ALPK2: variants seen among roughly 807,000 people sequenced by gnomAD.
ALPK2 encodes the protein alpha kinase 2, also known as alpha-protein kinase 2.
A neutral mutation model predicts 163.1 loss-of-function variants in ALPK2; 127 were observed. That is an observed-to-expected ratio of 0.78 (90% CI 0.67 to 0.90). ALPK2 has a LOEUF of 0.90. Among genes scored for constraint, ALPK2 ranks in the 40% least tolerant of loss-of-function variants. The pLI is 0.00. For synonymous variants in ALPK2, 953 were observed against 959.1 expected, an observed-to-expected ratio of 0.99 and a Z score of 0.12; for missense variants, 2,360 against 2,589.6, an observed-to-expected ratio of 0.91 and a Z score of 1.92.
chr18:58,501,162 A>G (rs1022422558), intron 11 of ALPK2, among the ~76,000 whole-genome samples: 6 of 152,220 alleles, frequency 3.9e-5, no homozygotes, highest in African/African-American at 1.2e-4. Flanking sequence ...ATGCCACACC[A>G]CCACGTTAAA....
chr18:58,536,781 C>G lies in ALPK2; in HGVS notation c.3406G>C (p.Gly1136Arg), dbSNP rs150392603. 6.2e-7 allele frequency: 1 copy of G among 1,614,204 alleles called. No individual in the cohort carries two copies. Among genetic ancestry groups the G allele is most frequent in the Non-Finnish European group, 8.5e-7 (1 of 1,180,034 alleles). ...FQERGSETKQ[G>R]VQQQSLSQQG... ...TGGGACAGGCTCTGCTGCTGGACCCCCTGCTTTGTTTCACTTCCTCTTTCT... is the reference window on the plus strand; with the variant it reads ...TGGGACAGGCTCTGCTGCTGGACCCGCTGCTTTGTTTCACTTCCTCTTTCT... The change falls in exon 5 of 13, where the codon GGG (glycine) becomes CGG (arginine). Residue 1136 changes from glycine to arginine, a missense_variant. By Grantham distance (125) the Gly-to-Arg change is moderately radical (BLOSUM62 -2). Coordinates refer to ENST00000361673, the MANE Select transcript of ALPK2 (RefSeq NM_052947.4).
chr18:58,615,842 G>A (rs2052164442), intron 1 of ALPK2, among the ~76,000 whole-genome samples: 1 of 152,202 alleles, frequency 6.6e-6, no homozygotes. Flanking sequence ...TCCTCCCCAG[G>A]TGATGACTTC....
chr18:58,552,972 G>A (rs553396878), intron 4 of ALPK2, among the ~76,000 whole-genome samples: 21 of 152,286 alleles, frequency 1.4e-4, no homozygotes, highest in African/African-American at 4.8e-4. Context: ...CCCGAATCCA[G>A]TGACTGTTGT....
rs200949092 is a variant in ALPK2 at position 58,579,128 on chromosome 18, T to C, written c.1648A>G (p.Asn550Asp). ...GTTGTACTTTCTCTCAGGTTGGCAT[T>C]CGGCTTCTTGGGATTTCCCTTCATT... ...PGMKGNPKKP[N>D]ANLRESTTEG... The change falls in exon 4 of 13, where the codon AAT (asparagine) becomes GAT (aspartate). Residue 550 changes from asparagine to aspartate, a missense_variant. Physicochemically the swap from Asn to Asp is conservative, Grantham distance 23 (BLOSUM62 1). Coordinates refer to ENST00000361673, the MANE Select transcript of ALPK2 (RefSeq NM_052947.4). 5.6e-6 allele frequency: 9 copies of C among 1,614,078 alleles called. No individual in the cohort carries two copies. The highest frequency in any genetic ancestry group is 3.3e-4 in the Middle Eastern group (2 of 6,084).
chr18:58,487,592 A>T (rs115003583), intron 12 of ALPK2, among the ~76,000 whole-genome samples: 3 of 152,272 alleles, frequency 2.0e-5, no homozygotes, highest in African/African-American at 7.2e-5. Flanking sequence ...AAAAATCTTA[A>T]CTCTATAGAA....
chr18:58,578,873 T>C lies in ALPK2; in HGVS notation c.1903A>G (p.Met635Val), dbSNP rs2051938024. ...EGNTNCKGEG[M>V]QVNTLFETSQ... The stretch of plus-strand genomic sequence containing the variant: ...GTTTCAAATAGAGTATTAACTTGCA[T>C]GCCTTCTCCCTTGCAATTTGTGTTG... The change falls in exon 4 of 13, where the codon ATG (methionine) becomes GTG (valine). Residue 635 changes from methionine to valine, a missense_variant. By Grantham distance (21) the Met-to-Val change is conservative (BLOSUM62 1). Coordinates refer to ENST00000361673, the MANE Select transcript of ALPK2 (RefSeq NM_052947.4). The C allele has an allele frequency of 6.2e-7, 1 of 1,614,070 alleles. No homozygotes were observed. Among genetic ancestry groups the C allele is most frequent in the Non-Finnish European group, 8.5e-7 (1 of 1,180,044 alleles).
At chr18:58,625,740 G>A (rs1316930785) in intron 1 of ALPK2, among the ~76,000 whole-genome samples, 1 of 152,246 alleles carries the variant, frequency 6.6e-6, no homozygotes, top group East Asian at 1.9e-4. Context: ...GTGCAGCCAG[G>A]ACATGAGGAT....
chr18:58,521,629 T>C (rs112624391), intron 8 of ALPK2, among the ~76,000 whole-genome samples: 10 of 46,270 alleles, frequency 2.2e-4, no homozygotes, highest in East Asian at 6.8e-3. Context: ...CTCTCTCTCT[T>C]TTTTTTTTTT....
chr18:58,605,244 A>AT (rs778942655), intron 3 of ALPK2, among the ~76,000 whole-genome samples: 20 of 152,098 alleles, frequency 1.3e-4, no homozygotes, highest in African/African-American at 4.3e-4. Context: ...CAACTATGCT[A>AT]TTTTTTTTAA....
intron 4 of ALPK2, among the ~76,000 whole-genome samples, chr18:58,547,485 G>A (rs1343302718): frequency 1.3e-5 from 2 of 152,170 alleles, no homozygotes; most frequent in Non-Finnish European, 2.9e-5. Flanking sequence ...AGTGCCTTGT[G>A]TCTTTGGTAG....
chr18:58,611,752 A>T lies in ALPK2; in HGVS notation c.46T>A (p.Ser16Thr), dbSNP rs2052132785. ...GGAACCTTCTGGGAAAGCAATGTAG[A>T]TAAAAAACACAGCGGGGGCCTCTGG... is the stretch of plus-strand genomic sequence containing the variant. ...GPQRPPLCFL[S>T]TLLSQKVPEK... Residue 16 changes from serine to threonine, a missense_variant, in exon 2 of 13, where the codon TCT becomes ACT. Ser to Thr is a moderately conservative substitution (Grantham distance 58, BLOSUM62 1). Coordinates refer to ENST00000361673, the MANE Select transcript of ALPK2 (RefSeq NM_052947.4). 3 of 1,612,622 alleles carry T rather than the reference A, an allele frequency of 1.9e-6. No homozygotes were observed. The highest frequency in any genetic ancestry group is 2.5e-6 in the Non-Finnish European group (3 of 1,179,486).
At chr18:58,492,080 G>A (rs1398950361) in intron 12 of ALPK2, among the ~76,000 whole-genome samples, 5 of 152,104 alleles carry the variant, frequency 3.3e-5, no homozygotes, top group South Asian at 2.1e-4. Flanking sequence ...TCACTCCGCC[G>A]TTAGTCCCTC....
intron 4 of ALPK2, among the ~76,000 whole-genome samples, chr18:58,541,169 G>A (rs777375221): frequency 1.1e-4 from 17 of 152,224 alleles, no homozygotes; most frequent in African/African-American, 1.4e-4. Context: ...CGGTTCCACC[G>A]GCTATACAGG....
intron 8 of ALPK2, among the ~76,000 whole-genome samples, chr18:58,523,576 G>A (rs995882895): frequency 1.3e-5 from 2 of 152,158 alleles, no homozygotes; most frequent in African/African-American, 2.4e-5. Context: ...TCCAGCACCT[G>A]TTGTTTCCTG....
chr18:58,490,650 A>C (rs899839894), intron 12 of ALPK2, among the ~76,000 whole-genome samples: 5 of 152,022 alleles, frequency 3.3e-5, no homozygotes, highest in African/African-American at 1.2e-4. Context: ...AGAATACAAA[A>C]AGTTCCCTCT....
At chr18:58,600,864 T>C (rs78282001) in intron 3 of ALPK2, among the ~76,000 whole-genome samples, 2,089 of 152,320 alleles carry the variant, frequency 0.014, 58 homozygotes, top group African/African-American at 0.047. Context: ...CTGATCCCAC[T>C]GGACTGTGAG....
chr18:58,490,310 A>G (rs907041709), intron 12 of ALPK2, among the ~76,000 whole-genome samples: 1 of 152,166 alleles, frequency 6.6e-6, no homozygotes, highest in African/African-American at 2.4e-5. Context: ...ACCTTCAGCA[A>G]CTTATCTGAA....
intron 4 of ALPK2, among the ~76,000 whole-genome samples, chr18:58,567,809 G>T (rs1297669672): frequency 6.6e-6 from 1 of 152,178 alleles, no homozygotes; most frequent in Non-Finnish European, 1.5e-5. Flanking sequence ...AATTTCAAAT[G>T]CAGCCTGCCC....
intron 5 of ALPK2, among the ~76,000 whole-genome samples, chr18:58,531,029 C>G (rs745753623): frequency 7.9e-5 from 12 of 151,818 alleles, no homozygotes; most frequent in African/African-American, 1.2e-4. Flanking sequence ...AGCAAGATCC[C>G]ATCTCTAGAA....
Sources: gnomAD v4.1 joint callset for allele counts (sites outside exome capture counted in the v4.1 genomes callset) on GRCh38, gnomAD v4.1.1 for gene constraint, MANE v1.5 for transcripts, NCBI Gene and HGNC (gene_info 2026-07-23, HGNC 2026-07-21) for gene names.